The following RNF111 variants were observed in gnomAD, a reference collection of about 807,000 sequenced individuals.
RNF111 encodes the protein ring finger protein 111, also known as E3 ubiquitin-protein ligase Arkadia.
A neutral mutation model predicts 95.1 loss-of-function variants in RNF111; 17 were observed. That is an observed-to-expected ratio of 0.18 (90% CI 0.12 to 0.27). RNF111 has a LOEUF of 0.27. RNF111 is among the 10% of genes least tolerant of loss of function. The pLI is 1.00. For synonymous variants in RNF111, 440 were observed against 414.8 expected (o/e 1.06, Z -0.74); for missense variants, 1,189 against 1,210.4 (o/e 0.98, Z 0.26).
Position 59,031,566 on chromosome 15 carries a change from C to T in RNF111, c.744C>T (p.Ala248=), listed in dbSNP as rs750781993. 3 of 1,614,146 alleles carry T rather than the reference C, an allele frequency of 1.9e-6. No homozygotes were observed. Among genetic ancestry groups the T allele is most frequent in the Non-Finnish European group, 2.5e-6 (3 of 1,180,026 alleles). Residue 248 remains alanine, a synonymous_variant, in exon 2 of 14, where the codon GCC becomes GCT. Coordinates refer to ENST00000348370, the MANE Select transcript of RNF111 (RefSeq NM_017610.8). Reference sequence around the variant, plus strand: ...AAGTGTTAGCTCGAAGAAAATATGCCTTGCTACCTAGTTCTAGTAGTTCCA... The same window carrying T: ...AAGTGTTAGCTCGAAGAAAATATGCTTTGCTACCTAGTTCTAGTAGTTCCA... ...KREVLARRKY[A]LLPSSSSSSE...
At chr15:59,014,364 T>C (rs2039969749) in intron 1 of RNF111, among the ~76,000 whole-genome samples, 1 of 152,254 alleles carries the variant, frequency 6.6e-6, no homozygotes, top group African/African-American at 2.4e-5. Context: ...CACTAGGACT[T>C]AGTGCCCTTT....
At chr15:59,064,711 T>G (rs2042584125) in intron 5 of RNF111, among the ~76,000 whole-genome samples, 1 of 151,888 alleles carries the variant, frequency 6.6e-6, no homozygotes, top group South Asian at 2.1e-4. Flanking sequence ...TACAAAAGGG[T>G]TTGGGAGATT....
At chr15:59,035,228 T>C (rs1312441995) in intron 2 of RNF111, among the ~76,000 whole-genome samples, 1 of 152,150 alleles carries the variant, frequency 6.6e-6, no homozygotes, top group African/African-American at 2.4e-5. Context: ...TTATTATAAG[T>C]CAAGGTGAGA....
chr15:59,028,589 T>C (rs1410743181), intron 1 of RNF111, among the ~76,000 whole-genome samples: 1 of 152,184 alleles, frequency 6.6e-6, no homozygotes, highest in Non-Finnish European at 1.5e-5. Flanking sequence ...CTTCATTTCT[T>C]TCTATTGCTG....
At chr15:59,068,199 G>C (rs1384973352) in intron 6 of RNF111, among the ~76,000 whole-genome samples, 2 of 149,884 alleles carry the variant, frequency 1.3e-5, no homozygotes, top group Non-Finnish European at 3.0e-5. Context: ...CAGCCTGGGC[G>C]ACAGAGTGAG....
chr15:59,010,257 A>G (rs997463048), intron 1 of RNF111, among the ~76,000 whole-genome samples: 3 of 152,202 alleles, frequency 2.0e-5, no homozygotes, highest in Non-Finnish European at 4.4e-5. Flanking sequence ...AAATTAATAA[A>G]CCCATGACAT....
At chr15:59,045,139 T>G in intron 2 of RNF111, among the ~76,000 whole-genome samples, 1 of 151,882 alleles carries the variant, frequency 6.6e-6, no homozygotes, top group East Asian at 1.9e-4. Flanking sequence ...ATGTAAAAGG[T>G]GTTCGATAAT....
At chr15:59,085,454 T>C in intron 9 of RNF111, 2 of 313,232 alleles carry the variant, frequency 6.4e-6, no homozygotes, top group Non-Finnish European at 1.1e-5. Context: ...TGCTCCTCAT[T>C]GTCACAAAAT....
At chr15:59,074,794 T>C (rs1279940875) in intron 6 of RNF111, among the ~76,000 whole-genome samples, 2 of 82,944 alleles carry the variant, frequency 2.4e-5, no homozygotes, top group African/African-American at 8.8e-5. Context: ...GAGGCCTAGC[T>C]TTTGGCCTCT....
intron 1 of RNF111, among the ~76,000 whole-genome samples, chr15:59,022,106 C>T (rs1004420626): frequency 5.3e-5 from 8 of 152,086 alleles, no homozygotes; most frequent in East Asian, 3.9e-4. Flanking sequence ...GTGATCTCCC[C>T]GCCTTGGCCG....
chr15:59,037,920 G>C (rs575449400), intron 2 of RNF111, among the ~76,000 whole-genome samples: 2 of 152,154 alleles, frequency 1.3e-5, no homozygotes, highest in Non-Finnish European at 2.9e-5. Context: ...AAATAAGAGA[G>C]CTTAAGTCAG....
chr15:59,031,841 C>A, intron 2 of RNF111, 139 bp downstream of exon 2: 1 of 741,274 alleles, frequency 1.3e-6, no homozygotes, highest in Non-Finnish European at 2.2e-6. Context: ...TATAAATTAC[C>A]AATTGCAGTA....
chr15:59,057,764 G>A (rs1489701327), intron 4 of RNF111, among the ~76,000 whole-genome samples: 4 of 152,210 alleles, frequency 2.6e-5, no homozygotes, highest in African/African-American at 7.2e-5. Context: ...CTAATGCTAA[G>A]TGATTACTCT....
At chr15:59,009,847 C>T (rs1226224625) in intron 1 of RNF111, among the ~76,000 whole-genome samples, 1 of 152,054 alleles carries the variant, frequency 6.6e-6, no homozygotes, top group Non-Finnish European at 1.5e-5. Flanking sequence ...TCCCAGTTAC[C>T]TGGGAGGCTG....
rs2079162261 is a variant in RNF111, at chr15:59,095,481, G to C, written c.*581G>C. On this transcript the variant is annotated 3_prime_UTR_variant, in exon 14 of 14. Transcript: ENST00000348370. ...AACAGAATACAACCCATATAAATCA[G>C]ATGCAGGTGGTAGTCACATCACCAG... is the stretch of plus-strand genomic sequence containing the variant. 6.5e-6 allele frequency: 1 copy of C among 153,292 alleles called. No individual in the cohort carries two copies. The highest frequency in any genetic ancestry group is 6.5e-5 in the Admixed American group (1 of 15,308). The allele number at this position is 153,292 out of a possible 1,614,324, so 9.5% of individuals were successfully genotyped here. A position where few individuals can be genotyped will look rare whatever the true frequency, so the allele number is the denominator to read the frequency against.
intron 2 of RNF111, among the ~76,000 whole-genome samples, chr15:59,047,963 G>A (rs2041795676): frequency 6.6e-6 from 1 of 152,194 alleles, no homozygotes; most frequent in Non-Finnish European, 1.5e-5. Context: ...ACAATAATAG[G>A]TACTGGTGAG....
chr15:58,989,214 C>T (rs1372682010), intron 1 of RNF111, among the ~76,000 whole-genome samples: 3 of 152,120 alleles, frequency 2.0e-5, no homozygotes, highest in African/African-American at 7.2e-5. Context: ...CAGTATAAGC[C>T]ACATTGTTTC....
chr15:59,068,680 C>T (rs1282060874), intron 6 of RNF111, among the ~76,000 whole-genome samples: 1 of 152,092 alleles, frequency 6.6e-6, no homozygotes, highest in Admixed American at 6.5e-5. Flanking sequence ...GCCACCGTGC[C>T]CGGCCAAGCT....
At chr15:59,000,937 G>T (rs1188726669) in intron 1 of RNF111, among the ~76,000 whole-genome samples, 1 of 152,178 alleles carries the variant, frequency 6.6e-6, no homozygotes, top group Non-Finnish European at 1.5e-5. Context: ...CAAAGTTGTA[G>T]ATGGTCATTG....
Sources: gnomAD v4.1 joint callset for allele counts (sites outside exome capture counted in the v4.1 genomes callset) on GRCh38, gnomAD v4.1.1 for gene constraint, MANE v1.5 for transcripts, NCBI Gene and HGNC (gene_info 2026-07-23, HGNC 2026-07-21) for gene names.